Variants in CAPZB observed in about 807,000 individuals in gnomAD.
CAPZB encodes capping actin protein of muscle Z-line subunit beta.
Under a neutral mutation model 38.1 loss-of-function variants are expected in CAPZB, and 2 were observed. The ratio of observed to expected loss-of-function variants is 0.05; its 90% CI spans 0.02 to 0.17. CAPZB has a LOEUF of 0.17. Among genes scored for constraint, CAPZB ranks in the 10% least tolerant of loss-of-function variants. CAPZB has a pLI of 1.00. For synonymous variants in CAPZB, 107 were observed against 127.4 expected (o/e 0.84, Z 1.08); for missense variants, 161 against 334.2 (o/e 0.48, Z 4.04).
intron 6 of CAPZB, among the ~76,000 whole-genome samples, chr1:19,349,679 G>A (rs943501722): frequency 1.3e-5 from 2 of 152,180 alleles, no homozygotes; most frequent in African/African-American, 2.4e-5. Flanking sequence ...TGCAGTGTGC[G>A]ACACTGTCCC....
intron 1 of CAPZB, among the ~76,000 whole-genome samples, chr1:19,462,953 T>C (rs1000780191): frequency 2.0e-5 from 3 of 152,256 alleles, no homozygotes; most frequent in African/African-American, 4.8e-5. Flanking sequence ...ATAGTGATTA[T>C]GGAACAGCCC....
chr1:19,351,093 C>T (rs1286894647), intron 6 of CAPZB, among the ~76,000 whole-genome samples: 1 of 151,848 alleles, frequency 6.6e-6, no homozygotes, highest in African/African-American at 2.4e-5. Flanking sequence ...AGTGATTCTC[C>T]TGCCTCAGCC....
At chr1:19,394,547 G>A (rs10799806) in intron 2 of CAPZB, among the ~76,000 whole-genome samples, 1 of 151,870 alleles carries the variant, frequency 6.6e-6, no homozygotes, top group African/African-American at 2.4e-5. Flanking sequence ...ATAGTGAAAC[G>A]CTGTTTCTAC....
intron 2 of CAPZB, among the ~76,000 whole-genome samples, chr1:19,388,755 T>C (rs765900571): frequency 1.1e-4 from 16 of 152,332 alleles, no homozygotes; most frequent in Middle Eastern, 3.4e-3. Context: ...CACGGAACCT[T>C]AGGCAAAGCC....
rs2094648567 is a variant in CAPZB at position 19,485,502 on chromosome 1, C to T, written c.-64G>A. The T allele has an allele frequency of 1.6e-6, 2 of 1,220,754 alleles. No homozygotes were observed. The highest frequency in any genetic ancestry group is 4.1e-5 in the South Asian group (1 of 24,198). 75.6% of individuals were successfully genotyped at this position (1,220,754 alleles called of 1,614,324 possible). ...TGGCTCTCCCCCCCGCAGCAGGGCCCGGCGCTTCCACTTCCCCGGGTGCCC... is the reference window on the plus strand; with the variant it reads ...TGGCTCTCCCCCCCGCAGCAGGGCCTGGCGCTTCCACTTCCCCGGGTGCCC... On this transcript the variant is annotated 5_prime_UTR_variant, in exon 1 of 9. Transcript: ENST00000264202.
chr1:19,392,640 A>AAG (rs2094243177), intron 2 of CAPZB, among the ~76,000 whole-genome samples: 1 of 151,760 alleles, frequency 6.6e-6, no homozygotes, highest in Non-Finnish European at 1.5e-5. Context: ...ATAATAATAA[A>AAG]AATAGCCAGG....
intron 1 of CAPZB, among the ~76,000 whole-genome samples, chr1:19,429,467 A>C (rs1350581478): frequency 6.6e-6 from 1 of 152,136 alleles, no homozygotes; most frequent in Non-Finnish European, 1.5e-5. Flanking sequence ...CTACTTTCCC[A>C]TACAACCTGC....
chr1:19,386,349 C>A (rs769585280), intron 2 of CAPZB, among the ~76,000 whole-genome samples: 2 of 152,248 alleles, frequency 1.3e-5, no homozygotes, highest in African/African-American at 4.8e-5. Flanking sequence ...CCAACTCAAA[C>A]ATCAATTTCT....
rs561773165 is a variant in CAPZB at position 19,389,225 on chromosome 1, C to T, written c.94-3599G>A. ...ATCCCGTCTCATACCCACGCCGTCC[C>T]TCCACCTCTGCCCGAAACTCCTCAA... is the stretch of plus-strand genomic sequence containing the variant. On this transcript the variant is annotated intron_variant, in intron 2 of 8. Coordinates refer to ENST00000264202, the MANE Select transcript of CAPZB (RefSeq NM_004930.5). 2.0e-3 allele frequency among the ~76,000 whole-genome samples: 299 copies of T among 152,262 alleles called. 3 individuals are homozygous for T. Among genetic ancestry groups the T allele is most frequent in the African/African-American group, 7.0e-3 (290 of 41,538 alleles).
chr1:19,475,393 A>T (rs2050828), intron 1 of CAPZB, among the ~76,000 whole-genome samples: 40 of 152,200 alleles, frequency 2.6e-4, no homozygotes, highest in East Asian at 9.7e-4. Flanking sequence ...GAAAGCCACC[A>T]GTGTGACTTC....
At chr1:19,455,915 CTTGT>C (rs886532543) in intron 1 of CAPZB, among the ~76,000 whole-genome samples, 2 of 152,324 alleles carry the variant, frequency 1.3e-5, no homozygotes, top group Admixed American at 1.3e-4. Flanking sequence ...ATGCAAGGCT[CTTGT>C]TTATTTGTTT....
intron 1 of CAPZB, among the ~76,000 whole-genome samples, chr1:19,449,864 G>T (rs1349455931): frequency 6.6e-6 from 1 of 151,526 alleles, no homozygotes; most frequent in South Asian, 2.1e-4. Context: ...ATATAGGCTG[G>T]GCACAGTAGC....
At chr1:19,340,390 C>T (rs567679653) in intron 8 of CAPZB, among the ~76,000 whole-genome samples, 2 of 152,348 alleles carry the variant, frequency 1.3e-5, no homozygotes, top group Admixed American at 6.5e-5. Flanking sequence ...TGTGGGGAAA[C>T]GTTCAGGGCG....
chr1:19,390,309 C>T (rs1231135409), intron 2 of CAPZB, among the ~76,000 whole-genome samples: 1 of 152,264 alleles, frequency 6.6e-6, no homozygotes, highest in East Asian at 1.9e-4. Flanking sequence ...GCATGTGGCA[C>T]TGGCTCTGTC....
chr1:19,339,346 C>CG lies in CAPZB; in HGVS notation c.*183dup. On this transcript the variant is annotated 3_prime_UTR_variant, in exon 9 of 9. Transcript: ENST00000264202. ...GAGCGAGGTGTGGCAGAAGCAGGCT[C>CG]GGAGCCGGAGGAGGGTGGCTATCGG... The CG allele has an allele frequency of 1.5e-6, 1 of 645,874 alleles. No homozygotes were observed. The highest frequency in any genetic ancestry group is 1.8e-5 in the South Asian group (1 of 55,594). 40.0% of individuals were successfully genotyped at this position (645,874 alleles called of 1,614,324 possible). A position where few individuals can be genotyped will look rare whatever the true frequency, so the allele number is the denominator to read the frequency against.
rs1001669818 is a variant in CAPZB at position 19,354,156 on chromosome 1, A to G, written c.588+2479T>C. ...ACTGGTTAAATTATATGGGCAAATT[A>G]TTTAAGTTTGAACTTCAGTTTCCTC... On this transcript the variant is annotated intron_variant, in intron 6 of 8. Transcript: ENST00000264202. 3.9e-5 allele frequency among the ~76,000 whole-genome samples: 6 copies of G among 152,218 alleles called. 1 individual carries two copies. The highest frequency in any genetic ancestry group is 1.4e-4 in the African/African-American group (6 of 41,462).
At chr1:19,376,556 C>T (rs1260674157) in intron 4 of CAPZB, among the ~76,000 whole-genome samples, 1 of 152,222 alleles carries the variant, frequency 6.6e-6, no homozygotes, top group African/African-American at 2.4e-5. Flanking sequence ...CCTCAGAGAC[C>T]CTGGCACAAC....
At chr1:19,387,410 A>G (rs981676123) in intron 2 of CAPZB, among the ~76,000 whole-genome samples, 5 of 152,228 alleles carry the variant, frequency 3.3e-5, no homozygotes, top group African/African-American at 1.2e-4. Context: ...CTGGCTGAGG[A>G]AGGAAGGTCT....
chr1:19,344,430 A>G lies in CAPZB; in HGVS notation c.659T>C (p.Met220Thr). The change falls in exon 8 of 9, where the codon ATG becomes ACG. Residue 220 changes from methionine to threonine, a missense_variant. Met to Thr is a moderately conservative substitution (Grantham distance 81, BLOSUM62 -1). Transcript: ENST00000264202. ...IANIGRLVED[M>T]ENKIRSTLNE... ...CAGCGTACTTCTGATTTTATTTTCC[A>G]TGTCCTGGAAGGGAGGTCGGTCAGC... The G allele has an allele frequency of 6.2e-7, 1 of 1,613,670 alleles. No individual in the cohort carries two copies. The highest frequency in any genetic ancestry group is 8.5e-7 in the Non-Finnish European group (1 of 1,179,646).
Sources: allele counts gnomAD v4.1 joint callset (sites outside exome capture counted in the v4.1 genomes callset), GRCh38; gene constraint gnomAD v4.1.1; transcripts MANE v1.5; gene names NCBI Gene and HGNC (gene_info 2026-07-23, HGNC 2026-07-21).